ZNF804B: variants seen among roughly 807,000 people sequenced by gnomAD.
ZNF804B encodes zinc finger protein 804B, also known as zinc finger 804B.
In ZNF804B, 80 loss-of-function variants were observed where a neutral mutation model predicts 101.4. That is an observed-to-expected ratio of 0.79 (90% confidence interval 0.66 to 0.95). ZNF804B has a LOEUF of 0.95. ZNF804B is among the 40% of genes least tolerant of loss of function. The probability of loss-of-function intolerance (pLI) is 0.00; values close to 1 mark genes in which losing one functional copy is unlikely to be tolerated. For missense variants in ZNF804B, 1,673 were observed against 1,561.9 expected (o/e 1.07, Z -1.20); for synonymous variants, 622 against 558.8 (o/e 1.11, Z -1.59).
chr7:88,861,767 C>A (rs566645729), intron 1 of ZNF804B, among the ~76,000 whole-genome samples: 23 of 152,266 alleles, frequency 1.5e-4, no homozygotes, highest in African/African-American at 5.3e-4. Context: ...ATATCTTATT[C>A]TTACAGGAAT....
intron 1 of ZNF804B, among the ~76,000 whole-genome samples, chr7:88,823,185 C>T (rs1051724524): frequency 1.3e-4 from 20 of 152,106 alleles, no homozygotes; most frequent in Admixed American, 9.2e-4. Flanking sequence ...ACAGCCTAGG[C>T]GACAGGGTGA....
intron 1 of ZNF804B, among the ~76,000 whole-genome samples, chr7:89,099,245 C>G (rs1448070842): frequency 6.6e-6 from 1 of 151,890 alleles, no homozygotes; most frequent in Admixed American, 6.6e-5. Flanking sequence ...ACTTCCAACT[C>G]ACTACTATAT....
rs184856382 is a variant in ZNF804B, at chr7:88,765,370, A to G, written c.108+5286A>G. Reference sequence around the variant, plus strand: ...AGAACTTAACTATTTGTGACTTAAAAGAAAACATAATGTTAGTTGTAACTG... The same window carrying G: ...AGAACTTAACTATTTGTGACTTAAAGGAAAACATAATGTTAGTTGTAACTG... On this transcript the variant is annotated intron_variant, in intron 1 of 3. Transcript: ENST00000333190. Among the ~76,000 whole-genome samples, 413 of 152,274 alleles carry G rather than the reference A, an allele frequency of 2.7e-3. 1 individual carries two copies. The highest frequency in any genetic ancestry group is 3.4e-3 in the Middle Eastern group (1 of 294).
intron 1 of ZNF804B, among the ~76,000 whole-genome samples, chr7:88,810,727 T>C (rs1790772424): frequency 6.6e-6 from 1 of 152,082 alleles, no homozygotes; most frequent in African/African-American, 2.4e-5. Flanking sequence ...TAGCTTTATG[T>C]TTAATGGCTG....
chr7:88,898,073 CTTTTTTTTTTTTT>C (rs869050718), intron 1 of ZNF804B, among the ~76,000 whole-genome samples: 7 of 56,572 alleles, frequency 1.2e-4, no homozygotes, highest in East Asian at 6.0e-4. Flanking sequence ...ACTTCTCCAT[CTTTTTTTTTTTTT>C]TTTTTTTTTT....
intron 2 of ZNF804B, among the ~76,000 whole-genome samples, chr7:89,256,546 A>G (rs946295150): frequency 1.8e-4 from 28 of 151,982 alleles, no homozygotes; most frequent in Non-Finnish European, 3.7e-4. Flanking sequence ...CTGTCAAAAA[A>G]AAAAAAAAGT....
At chr7:89,217,804 A>G (rs991733297) in intron 1 of ZNF804B, among the ~76,000 whole-genome samples, 5 of 152,136 alleles carry the variant, frequency 3.3e-5, no homozygotes, top group Non-Finnish European at 7.4e-5. Context: ...TGCATAGGAC[A>G]CTAAAATTTA....
intron 1 of ZNF804B, among the ~76,000 whole-genome samples, chr7:89,080,388 C>T (rs1339109768): frequency 6.6e-6 from 1 of 151,758 alleles, no homozygotes; most frequent in Non-Finnish European, 1.5e-5. Context: ...ATTATTTGAG[C>T]TATTTGCACT....
intron 2 of ZNF804B, among the ~76,000 whole-genome samples, chr7:89,296,688 A>G (rs112764162): frequency 0.019 from 2,897 of 152,170 alleles, 79 homozygotes; most frequent in African/African-American, 0.066. Context: ...ATCCACTCCA[A>G]TTAACTATTA....
intron 1 of ZNF804B, among the ~76,000 whole-genome samples, chr7:88,912,406 T>A (rs935154080): frequency 3.9e-5 from 6 of 152,106 alleles, no homozygotes; most frequent in Admixed American, 3.9e-4. Context: ...CTTAACATTG[T>A]TTGTTGGTGA....
At chr7:88,791,058 C>T (rs1790375928) in intron 1 of ZNF804B, among the ~76,000 whole-genome samples, 1 of 152,060 alleles carries the variant, frequency 6.6e-6, no homozygotes, top group Admixed American at 6.6e-5. Flanking sequence ...GACAGCAGAT[C>T]TGTCTTTGAG....
intron 1 of ZNF804B, among the ~76,000 whole-genome samples, chr7:88,864,969 C>A (rs944459807): frequency 3.3e-5 from 5 of 152,208 alleles, no homozygotes; most frequent in Non-Finnish European, 7.3e-5. Flanking sequence ...TGGCTCATGC[C>A]TGTAATCCCA....
At chr7:88,913,100 G>A (rs1792574155) in intron 1 of ZNF804B, among the ~76,000 whole-genome samples, 1 of 152,090 alleles carries the variant, frequency 6.6e-6, no homozygotes, top group African/African-American at 2.4e-5. Context: ...AAAGAAGTGG[G>A]TTCACAGACT....
intron 1 of ZNF804B, among the ~76,000 whole-genome samples, chr7:89,005,640 CACTTATTG>C (rs1788361203): frequency 6.6e-6 from 1 of 152,012 alleles, no homozygotes; most frequent in South Asian, 2.1e-4. Flanking sequence ...ATCCTAGATC[CACTTATTG>C]ACTCTGATAG....
At chr7:89,197,530 A>T (rs1442795697) in intron 1 of ZNF804B, among the ~76,000 whole-genome samples, 2 of 151,966 alleles carry the variant, frequency 1.3e-5, no homozygotes, top group African/African-American at 4.8e-5. Flanking sequence ...CTGTTTGATT[A>T]TAATATTTTG....
rs1174266220 is a variant in ZNF804B at position 89,220,151 on chromosome 7, A to G, written c.249+1856A>G. Among the ~76,000 whole-genome samples the G allele has an allele frequency of 2.3e-3, 88 of 38,250 alleles. 12 individuals are homozygous for G. Among genetic ancestry groups the G allele is most frequent in the African/African-American group, 8.9e-3 (77 of 8,640 alleles). The allele number at this position is 38,250 out of a possible 152,430, so 25.1% of individuals were successfully genotyped here. Reference sequence around the variant, plus strand: ...CGCACACATATATGTGTGTATATACATATATATATACGCACATATATATGT... The same window carrying G: ...CGCACACATATATGTGTGTATATACGTATATATATACGCACATATATATGT... On this transcript the variant is annotated intron_variant, in intron 2 of 3. Transcript: ENST00000333190.
At chr7:88,934,126 C>G (rs1792932354) in intron 1 of ZNF804B, among the ~76,000 whole-genome samples, 3 of 151,868 alleles carry the variant, frequency 2.0e-5, no homozygotes, top group South Asian at 4.1e-4. Context: ...ATAGAGCCAA[C>G]TGATCTTCAA....
intron 1 of ZNF804B, among the ~76,000 whole-genome samples, chr7:88,994,145 T>G (rs10274856): frequency 6.6e-6 from 1 of 151,788 alleles, no homozygotes; most frequent in Non-Finnish European, 1.5e-5. Context: ...AGTGAATGTC[T>G]TTGTATCTGA....
chr7:88,975,706 C>T (rs746802778), intron 1 of ZNF804B, among the ~76,000 whole-genome samples: 7 of 151,540 alleles, frequency 4.6e-5, no homozygotes, highest in Non-Finnish European at 8.9e-5. Context: ...GCAAGTTATT[C>T]TCCCAATCTG....
Sources: allele counts gnomAD v4.1 joint callset (sites outside exome capture counted in the v4.1 genomes callset), GRCh38; gene constraint gnomAD v4.1.1; transcripts MANE v1.5; gene names NCBI Gene and HGNC (gene_info 2026-07-23, HGNC 2026-07-21).